DPEP1: variants seen among roughly 807,000 people sequenced by gnomAD.
DPEP1 encodes beta-lactamase.
A neutral mutation model predicts 42.3 loss-of-function variants in DPEP1; 50 were observed. The observed-to-expected ratio is 1.18, with a 90% confidence interval of 0.94 to 1.50. The LOEUF is 1.50. Ranked by LOEUF, DPEP1 falls within the 40% of genes most tolerant of loss-of-function variation. The pLI is 0.00. For missense variants in DPEP1, 663 were observed against 553.0 expected, an observed-to-expected ratio of 1.20 and a Z score of -1.99; for synonymous variants, 297 against 234.0, an observed-to-expected ratio of 1.27 and a Z score of -2.46.
At chr16:89,635,802 C>T (rs755123488) in intron 2 of DPEP1, 106 bp from the exon 3 acceptor site, 7 of 1,416,826 alleles carry the variant, frequency 4.9e-6, no homozygotes, top group Middle Eastern at 2.1e-4. Flanking sequence ...CTGCGTCTGT[C>T]GTGAGGAGTA....
chr16:89,636,256 G>A lies in DPEP1; in HGVS notation c.238-8G>A. On this transcript the variant is annotated splice_region_variant and splice_polypyrimidine_tract_variant and intron_variant, in intron 3 of 10. Coordinates refer to ENST00000690203, the MANE Select transcript of DPEP1 (RefSeq NM_001389466.1). ...GCATCAGCTCCTGGCACCCCCTGCG[G>A]CCCACAGTTCTGGTCCGTGTACACG... The A allele has an allele frequency of 6.2e-7, 1 of 1,604,534 alleles. No individual in the cohort carries two copies. Among genetic ancestry groups the A allele is most frequent in the Non-Finnish European group, 8.5e-7 (1 of 1,177,086 alleles).
At chr16:89,640,639 T>C (rs926411554), downstream of DPEP1, 6 of 985,184 alleles carry the variant, frequency 6.1e-6, no homozygotes, top group African/African-American at 1.0e-4. Flanking sequence ...AATCATCCTG[T>C]CTGTTCCCCT....
intron 2 of DPEP1, among the ~76,000 whole-genome samples, chr16:89,630,882 G>A (rs1294564478): frequency 2.0e-5 from 3 of 151,956 alleles, no homozygotes; most frequent in East Asian, 1.9e-4. Flanking sequence ...CTTCTGCGAC[G>A]GTGCCGGGCC....
intron 1 of DPEP1, among the ~76,000 whole-genome samples, chr16:89,628,102 T>A (rs1215126590): frequency 3.3e-5 from 5 of 152,068 alleles, no homozygotes; most frequent in Admixed American, 2.6e-4. Context: ...TTTTTTATTT[T>A]TGGTAGAGAC....
intron 1 of DPEP1, among the ~76,000 whole-genome samples, chr16:89,629,999 G>A (rs2059563482): frequency 6.6e-6 from 1 of 152,178 alleles, no homozygotes; most frequent in Non-Finnish European, 1.5e-5. Flanking sequence ...CGGGTCCTGA[G>A]GGAGGTGGTA....
chr16:89,622,996 G>A (rs1435407730), intron 1 of DPEP1, among the ~76,000 whole-genome samples: 4 of 152,142 alleles, frequency 2.6e-5, no homozygotes, highest in Non-Finnish European at 1.5e-5. Flanking sequence ...TGGGCCGGGA[G>A]TGAGGAAGAC....
intron 2 of DPEP1, among the ~76,000 whole-genome samples, chr16:89,632,566 T>C (rs1218565346): frequency 6.6e-6 from 1 of 152,140 alleles, no homozygotes; most frequent in African/African-American, 2.4e-5. Context: ...GCTTGCCGCT[T>C]TTCCAGCACT....
rs2059706248 is a variant in DPEP1, at chr16:89,637,959, G to A, written c.1053G>A (p.Glu351=). ...CTGACAACCTGCTGAGGGTCTTCGAGGCTGTGGAACAGGTGAGGATGGGGT... is the reference window on the plus strand; with the variant it reads ...CTGACAACCTGCTGAGGGTCTTCGAAGCTGTGGAACAGGTGAGGATGGGGT... ...ALADNLLRVF[E]AVEQASNLTQ... Residue 351 remains glutamate (E), a synonymous_variant, in exon 10 of 11, where the codon GAG becomes GAA. Coordinates refer to ENST00000690203, the MANE Select transcript of DPEP1 (RefSeq NM_001389466.1). The A allele has an allele frequency of 2.5e-6, 4 of 1,608,838 alleles. No individual in the cohort carries two copies. In the East Asian group the frequency reaches 6.7e-5, roughly 27 times the overall value.
At chr16:89,616,488 C>T (rs914716915) in intron 1 of DPEP1, among the ~76,000 whole-genome samples, 5 of 152,098 alleles carry the variant, frequency 3.3e-5, no homozygotes, top group African/African-American at 4.8e-5. Context: ...TCTGCATCCC[C>T]GGGGTGGTGA....
chr16:89,618,310 G>A (rs886979898), intron 1 of DPEP1, among the ~76,000 whole-genome samples: 1 of 152,028 alleles, frequency 6.6e-6, no homozygotes, highest in South Asian at 2.1e-4. Context: ...TAAACCTCCT[G>A]GACTCAAGCC....
chr16:89,637,569 C>A lies in DPEP1; in HGVS notation c.853+17C>A, dbSNP rs377155139. The A allele has an allele frequency of 3.1e-6, 5 of 1,612,648 alleles. No individual in the cohort carries two copies. The African/African-American group carries it at 6.7e-5, about 22-fold the overall frequency. ...AAGTGGCCGGTAGGTGGGGTGTGAG[C>A]GGCCAAGGGGGCCGAAGGGGGAGGG... On this transcript the variant is annotated intron_variant, in intron 8 of 10. Transcript: ENST00000690203.
Position 89,630,398 on chromosome 16 carries a change from C to G in DPEP1, c.-13C>G, listed in dbSNP as rs758366717. The G allele has an allele frequency of 8.1e-6, 13 of 1,606,808 alleles. No homozygotes were observed. Among genetic ancestry groups the G allele is most frequent in the Non-Finnish European group, 1.1e-5 (13 of 1,176,172 alleles). On this transcript the variant is annotated 5_prime_UTR_variant, in exon 2 of 11. Transcript: ENST00000690203. ...CAGGGCAGCAGTGCACACAGGTCCC[C>G]GGGGACCCCACCATGTGGAGCGGAT...
intron 6 of DPEP1, 92 bp from the exon 7 acceptor site, chr16:89,637,112 G>T (rs1471590361): frequency 6.5e-7 from 1 of 1,540,528 alleles, no homozygotes; most frequent in African/African-American, 1.4e-5. Context: ...TTCCAGCCAC[G>T]AAGGATGATG....
chr16:89,638,918 G>C (rs1259583488), downstream of DPEP1, among the ~76,000 whole-genome samples: 1 of 11,714 alleles, frequency 8.5e-5, no homozygotes, highest in Non-Finnish European at 1.4e-4. Context: ...CACACACACC[G>C]CACCCCTGCA....
At chr16:89,633,334 C>T (rs2059613788) in intron 2 of DPEP1, among the ~76,000 whole-genome samples, 1 of 152,248 alleles carries the variant, frequency 6.6e-6, no homozygotes, top group African/African-American at 2.4e-5. Flanking sequence ...GGGAGAGACT[C>T]ACACCAGCAT....
downstream of DPEP1, among the ~76,000 whole-genome samples, chr16:89,640,390 G>A (rs1455549496): frequency 6.6e-6 from 1 of 152,200 alleles, no homozygotes; most frequent in Non-Finnish European, 1.5e-5. Context: ...TGCAGGCAGG[G>A]TCCCTGGGAG....
chr16:89,638,742 G>GCACA (rs1306619991), downstream of DPEP1, among the ~76,000 whole-genome samples: 2 of 62,290 alleles, frequency 3.2e-5, no homozygotes, highest in Non-Finnish European at 6.1e-5. Context: ...CCGCACCCCT[G>GCACA]CACACACACA....
At chr16:89,619,920 C>A (rs978003118) in intron 1 of DPEP1, among the ~76,000 whole-genome samples, 3 of 127,288 alleles carry the variant, frequency 2.4e-5, no homozygotes, top group Non-Finnish European at 5.0e-5. Context: ...ACTCCAAGGG[C>A]CCCTGTGACT....
In DPEP1 at chr16:89,615,248, G is replaced by A. The variant is rs571141232; in HGVS notation, c.-107+1529G>A. On this transcript the variant is annotated intron_variant, in intron 1 of 10. Coordinates refer to ENST00000690203, the MANE Select transcript of DPEP1 (RefSeq NM_001389466.1). ...CAGGGGGACGTAGGCTGCGGTGGAC[G>A]GACACTGAGCCCCAAAGCGGCCTCT... 4.6e-5 allele frequency among the ~76,000 whole-genome samples: 7 copies of A among 152,322 alleles called. No homozygotes were observed. The East Asian group carries it at 7.7e-4, about 17-fold the overall frequency.
Sources: gnomAD v4.1 joint callset for allele counts (sites outside exome capture counted in the v4.1 genomes callset) on GRCh38, gnomAD v4.1.1 for gene constraint, MANE v1.5 for transcripts, NCBI Gene and HGNC (gene_info 2026-07-23, HGNC 2026-07-21) for gene names.